PRKN: variants seen among roughly 807,000 people sequenced by gnomAD.
PRKN encodes the protein parkin RBR E3 ubiquitin protein ligase.
PRKN carries 56 observed loss-of-function variants against 59.5 expected under a neutral mutation model. The observed-to-expected ratio is 0.94, with a 90% CI of 0.76 to 1.18. The LOEUF (loss-of-function observed/expected upper bound fraction) is 1.18. Among genes scored for constraint, PRKN ranks in the 50% most tolerant of loss-of-function variants. The pLI, the probability that PRKN is intolerant of heterozygous loss-of-function variation, is 0.00. For synonymous variants in PRKN, 250 were observed against 222.1 expected (o/e 1.13, Z -1.12); for missense variants, 657 against 596.4 (o/e 1.10, Z -1.06).
At position 161,843,079 on chromosome 6, in the gene PRKN, C is replaced by T. The variant is rs1793055327; in HGVS notation, c.735-57171G>A. 2.0e-5 allele frequency among the ~76,000 whole-genome samples: 3 copies of T among 152,092 alleles called. No individual in the cohort carries two copies. The South Asian group carries it at 6.2e-4, about 32-fold the overall frequency. On this transcript the variant is annotated intron_variant, in intron 6 of 11. Transcript: ENST00000366898. ...TGCTACTGTATTTAAATTGGCTTCA[C>T]CCAGACAGATAAATACAAAGATAAG...
In PRKN at chr6:161,357,728, G is replaced by C. The variant is rs141691287; in HGVS notation, c.1285+2360C>G. On this transcript the variant is annotated intron_variant, in intron 11 of 11. Coordinates refer to ENST00000366898, the MANE Select transcript of PRKN (RefSeq NM_004562.3). This position sits in a 1 kb window ranked among gnomAD's most constrained non-coding sequence, Gnocchi z 5.5. ...CCACACACACATTTGTTTCAAAACAGACATATGTGCCACTTGCTTTGAAAT... is the reference window on the plus strand; with the variant it reads ...CCACACACACATTTGTTTCAAAACACACATATGTGCCACTTGCTTTGAAAT... Among the ~76,000 whole-genome samples the C allele has an allele frequency of 3.8e-3, 580 of 152,314 alleles. 3 individuals are homozygous for C. Among genetic ancestry groups the C allele is most frequent in the African/African-American group, 0.013 (538 of 41,576 alleles).
chr6:162,081,293 G>A (rs955387585), intron 4 of PRKN, among the ~76,000 whole-genome samples: 6 of 152,022 alleles, frequency 3.9e-5, no homozygotes, highest in African/African-American at 1.5e-4. Context: ...TCAGAGAAAT[G>A]TAATGATCTT....
intron 1 of PRKN, among the ~76,000 whole-genome samples, chr6:162,702,323 CTTA>C (rs1309997000): frequency 1.3e-5 from 2 of 152,044 alleles, no homozygotes; most frequent in Non-Finnish European, 2.9e-5. Flanking sequence ...TGTAATTCCT[CTTA>C]TTTTCAAAAA....
chr6:162,355,967 C>T (rs1390516266), intron 2 of PRKN, among the ~76,000 whole-genome samples: 2 of 152,118 alleles, frequency 1.3e-5, no homozygotes, highest in Non-Finnish European at 2.9e-5. Flanking sequence ...AAGTGCCCAG[C>T]AGATCCATCT....
At position 161,578,507 on chromosome 6, in the gene PRKN, C is replaced by T. The variant is rs1781219184; in HGVS notation, c.872-9091G>A. 6.6e-6 allele frequency among the ~76,000 whole-genome samples: 1 copy of T among 152,208 alleles called. No homozygotes were observed. On this transcript the variant is annotated intron_variant, in intron 7 of 11. Transcript: ENST00000366898. The surrounding 1 kb of genome is among the most constrained non-coding windows in gnomAD (Gnocchi z 4.2). ...TTTCCTTATGAAGGCTTCCTTAGGA[C>T]TTTGTCTCACTGTGTCCACTGACCC... is the stretch of plus-strand genomic sequence containing the variant.
intron 4 of PRKN, among the ~76,000 whole-genome samples, chr6:162,162,121 C>T (rs369165732): frequency 2.6e-5 from 4 of 152,136 alleles, no homozygotes; most frequent in South Asian, 2.1e-4. Flanking sequence ...CTCACTCTGT[C>T]GCCCAAGCTG....
At chr6:162,641,410 G>C (rs914671386) in intron 1 of PRKN, among the ~76,000 whole-genome samples, 1 of 151,896 alleles carries the variant, frequency 6.6e-6, no homozygotes, top group Non-Finnish European at 1.5e-5. Context: ...AGTGTTGTCA[G>C]AGGAAATTTG....
At chr6:162,727,341 GC>G (rs1779299724) in intron 1 of PRKN, 2 of 404,626 alleles carry the variant, frequency 4.9e-6, no homozygotes, top group Non-Finnish European at 8.8e-6. Flanking sequence ...CGGGGAGAAG[GC>G]TTCGGGACCC....
chr6:162,380,433 G>GTA (rs776880113), intron 2 of PRKN, among the ~76,000 whole-genome samples: 1,673 of 120,968 alleles, frequency 0.014, 27 homozygotes, highest in African/African-American at 0.045. Flanking sequence ...ATATATGTGT[G>GTA]TATATATATA....
intron 2 of PRKN, among the ~76,000 whole-genome samples, chr6:162,325,140 G>GCCAGCCAAATAATGGGTTAT (rs1783209714): frequency 2.3e-5 from 1 of 43,716 alleles, no homozygotes; most frequent in Non-Finnish European, 6.7e-5. Flanking sequence ...CTTTATTAGT[G>GCCAGCCAAATAATGGGTTAT]CTAGAGCCCT....
intron 7 of PRKN, among the ~76,000 whole-genome samples, chr6:161,692,540 A>C (rs569961179): frequency 2.0e-5 from 3 of 152,302 alleles, no homozygotes; most frequent in African/African-American, 7.2e-5. Context: ...GGGAAACTGT[A>C]AATACAGTTT....
At position 161,835,479 on chromosome 6, in the gene PRKN, C is replaced by T. The variant is rs113188885; in HGVS notation, c.735-49571G>A. The stretch of plus-strand genomic sequence containing the variant: ...TTACATCTGATGTTACAGCCTGCAG[C>T]GGAGCTAAACCAAAATAAACAATCT... On this transcript the variant is annotated intron_variant, in intron 6 of 11. Coordinates refer to ENST00000366898, the MANE Select transcript of PRKN (RefSeq NM_004562.3). 4.1e-3 allele frequency among the ~76,000 whole-genome samples: 630 copies of T among 152,328 alleles called. 3 individuals carry two copies. Among genetic ancestry groups the T allele is most frequent in the African/African-American group, 0.015 (606 of 41,590 alleles).
At chr6:161,737,923 T>G (rs1431606073) in intron 7 of PRKN, among the ~76,000 whole-genome samples, 1 of 152,216 alleles carries the variant, frequency 6.6e-6, no homozygotes, top group East Asian at 1.9e-4. Context: ...TTTAACTCAC[T>G]GAACCACTAT....
rs144551938 is a variant in PRKN at position 161,689,121 on chromosome 6, T to A, written c.871+96651A>T. 2.8e-3 allele frequency among the ~76,000 whole-genome samples: 432 copies of A among 151,926 alleles called. 1 individual carries two copies. Among genetic ancestry groups the A allele is most frequent in the African/African-American group, 9.7e-3 (403 of 41,430 alleles). On this transcript the variant is annotated intron_variant, in intron 7 of 11. Coordinates refer to ENST00000366898, the MANE Select transcript of PRKN (RefSeq NM_004562.3). ...CATAGTCTCCTGGCAATCCCTAAAGTACATTCACTGTGTGTTCAAGTTTTG... is the reference window on the plus strand; with the variant it reads ...CATAGTCTCCTGGCAATCCCTAAAGAACATTCACTGTGTGTTCAAGTTTTG...
intron 7 of PRKN, among the ~76,000 whole-genome samples, chr6:161,623,914 T>C (rs1032196996): frequency 6.6e-6 from 1 of 152,234 alleles, no homozygotes; most frequent in African/African-American, 2.4e-5. Context: ...AACTGGCTAA[T>C]TTAATGGCTG....
intron 7 of PRKN, among the ~76,000 whole-genome samples, chr6:161,643,655 A>G (rs1783821640): frequency 6.6e-6 from 1 of 152,238 alleles, no homozygotes; most frequent in Admixed American, 6.5e-5. Context: ...AAGATGATTC[A>G]GTTCTTAAAC....
At chr6:161,815,865 C>T (rs1436270521) in intron 6 of PRKN, among the ~76,000 whole-genome samples, 2 of 152,180 alleles carry the variant, frequency 1.3e-5, no homozygotes, top group Non-Finnish European at 2.9e-5. Flanking sequence ...TCACCTGAAG[C>T]GTCTGGCTGC....
At chr6:161,901,654 T>C (rs1210045078) in intron 6 of PRKN, among the ~76,000 whole-genome samples, 1 of 152,196 alleles carries the variant, frequency 6.6e-6, no homozygotes. Context: ...GGGTCTGATT[T>C]AAACAGGGAG....
chr6:161,981,364 T>C (rs1223648959), intron 5 of PRKN, among the ~76,000 whole-genome samples: 1 of 152,168 alleles, frequency 6.6e-6, no homozygotes, highest in Non-Finnish European at 1.5e-5. Context: ...ATCTTAATAA[T>C]AAAGTTTTAA....
Sources: gnomAD v4.1 joint callset for allele counts (sites outside exome capture counted in the v4.1 genomes callset) on GRCh38, gnomAD v4.1.1 for gene constraint, Gnocchi (gnomAD v3.1) non-coding constraint, MANE v1.5 for transcripts, NCBI Gene and HGNC (gene_info 2026-07-23, HGNC 2026-07-21) for gene names.